Variants in RAP1GDS1 observed in about 807,000 individuals in gnomAD.
RAP1GDS1 encodes the protein Rap1 GTPase-GDP dissociation stimulator 1.
In RAP1GDS1, 35 loss-of-function variants were observed where a neutral mutation model predicts 71.1. The observed-to-expected ratio is 0.49, with a 90% CI of 0.38 to 0.65. The LOEUF is 0.65. Ranked by LOEUF, RAP1GDS1 falls within the 30% of genes least tolerant of loss-of-function variation. RAP1GDS1 has a pLI of 0.00. For synonymous variants in RAP1GDS1, 229 were observed against 243.1 expected (o/e 0.94, Z 0.54); for missense variants, 663 against 706.1 (o/e 0.94, Z 0.69).
intron 12 of RAP1GDS1, among the ~76,000 whole-genome samples, chr4:98,431,418 G>A (rs1750391925): frequency 6.6e-6 from 1 of 152,090 alleles, no homozygotes; most frequent in Admixed American, 6.5e-5. Context: ...CTAATCAAGG[G>A]CAAATTGACT....
intron 2 of RAP1GDS1, among the ~76,000 whole-genome samples, chr4:98,333,518 T>G (rs1051074357): frequency 6.6e-6 from 1 of 152,074 alleles, no homozygotes; most frequent in African/African-American, 2.4e-5. Context: ...TACAATTATG[T>G]TCAGCAATTT....
At position 98,426,960 on chromosome 4, in the gene RAP1GDS1, A is replaced by G. The variant is rs1052838227; in HGVS notation, c.1440+5566A>G. Among the ~76,000 whole-genome samples, 11 of 152,334 alleles carry G rather than the reference A, an allele frequency of 7.2e-5. No individual in the cohort carries two copies. The East Asian group carries it at 2.1e-3, about 29-fold the overall frequency. ...AAAATCCCTGATGAACATAGATACAAAAATCCTTAACAAAATACTAGCTAA... is the reference window on the plus strand; with the variant it reads ...AAAATCCCTGATGAACATAGATACAGAAATCCTTAACAAAATACTAGCTAA... On this transcript the variant is annotated intron_variant, in intron 12 of 14. Transcript: ENST00000408927.
intron 6 of RAP1GDS1, among the ~76,000 whole-genome samples, chr4:98,394,179 G>A (rs1744169332): frequency 6.6e-6 from 1 of 152,146 alleles, no homozygotes; most frequent in Non-Finnish European, 1.5e-5. Flanking sequence ...GTTGTTTGCT[G>A]AGGAGTATTT....
chr4:98,437,729 G>T (rs1475480291), intron 14 of RAP1GDS1, among the ~76,000 whole-genome samples: 1 of 151,196 alleles, frequency 6.6e-6, no homozygotes, highest in Non-Finnish European at 1.5e-5. Flanking sequence ...GAAGGCAGAG[G>T]TTGTAGCTGA....
intron 6 of RAP1GDS1, among the ~76,000 whole-genome samples, chr4:98,395,002 C>T (rs558107691): frequency 9.2e-5 from 14 of 152,234 alleles, no homozygotes; most frequent in South Asian, 4.1e-4. Flanking sequence ...GTACTCTGAT[C>T]CTAAACTGAT....
At position 98,317,630 on chromosome 4, in the gene RAP1GDS1, T is replaced by C. The variant is rs537291498; in HGVS notation, c.112+24115T>C. Among the ~76,000 whole-genome samples the C allele has an allele frequency of 4.6e-5, 7 of 152,174 alleles. No homozygotes were observed. In the South Asian group the frequency reaches 1.5e-3, roughly 32 times the overall value. Reference sequence around the variant, plus strand: ...TTGCATGTGGGAAGAGTTTTTGACATCTGAAAGATTCTGCAAGCCACACTA... The same window carrying C: ...TTGCATGTGGGAAGAGTTTTTGACACCTGAAAGATTCTGCAAGCCACACTA... On this transcript the variant is annotated intron_variant, in intron 2 of 14. Coordinates refer to ENST00000408927, the MANE Select transcript of RAP1GDS1 (RefSeq NM_001100427.2).
intron 11 of RAP1GDS1, among the ~76,000 whole-genome samples, chr4:98,420,770 G>T (rs1748736759): frequency 1.3e-5 from 2 of 152,006 alleles, no homozygotes; most frequent in African/African-American, 4.8e-5. Flanking sequence ...GTTGTGTTTT[G>T]GCATTCTATA....
Position 98,416,882 on chromosome 4 carries a change from C to T in RAP1GDS1, c.901C>T (p.Leu301Phe). 6.2e-7 allele frequency: 1 copy of T among 1,610,984 alleles called. No individual in the cohort carries two copies. The highest frequency in any genetic ancestry group is 8.5e-7 in the Non-Finnish European group (1 of 1,179,116). The change falls in exon 8 of 15, where the codon CTT (leucine) becomes TTT (phenylalanine). Residue 301 changes from leucine to phenylalanine, a missense_variant. By Grantham distance (22) the Leu-to-Phe change is conservative. Transcript: ENST00000408927. The stretch of plus-strand genomic sequence containing the variant: ...TTCAGATCTCATGGTTTTATTACTT[C>T]TTGGAGGTGAGTTGTAATTTATGCC... ...TGSDLMVLLL[L>F]GDESMQKLFE...
intron 1 of RAP1GDS1, among the ~76,000 whole-genome samples, chr4:98,280,561 C>T (rs1442673510): frequency 1.3e-5 from 2 of 152,084 alleles, no homozygotes; most frequent in African/African-American, 4.8e-5. Flanking sequence ...CTGTAGGTTG[C>T]CTGTTCACTC....
At chr4:98,265,414 CGTT>C (rs1214893458) in intron 1 of RAP1GDS1, among the ~76,000 whole-genome samples, 1 of 152,086 alleles carries the variant, frequency 6.6e-6, no homozygotes, top group East Asian at 1.9e-4. Flanking sequence ...ATAACAAGGA[CGTT>C]GTCATATTAG....
At chr4:98,353,309 T>A (rs1486511202) in intron 4 of RAP1GDS1, among the ~76,000 whole-genome samples, 1 of 152,236 alleles carries the variant, frequency 6.6e-6, no homozygotes, top group Admixed American at 6.5e-5. Flanking sequence ...AAAACACGTA[T>A]TTTATCATTC....
chr4:98,437,200 C>G lies in RAP1GDS1; in HGVS notation c.1696+132C>G, dbSNP rs73834491. On this transcript the variant is annotated intron_variant, in intron 14 of 14. Coordinates refer to ENST00000408927, the MANE Select transcript of RAP1GDS1 (RefSeq NM_001100427.2). ...TTAGTTTATGGAGGTTATAAGATAA[C>G]TTTTTTCCCCTATTACTGTAAACAC... The G allele has an allele frequency of 9.8e-4, 871 of 889,252 alleles. 13 individuals carry two copies. The African/African-American group carries it at 0.014, about 14-fold the overall frequency. The allele number at this position is 889,252 out of a possible 1,614,324, so 55.1% of individuals were successfully genotyped here. A position where few individuals can be genotyped will look rare whatever the true frequency, so the allele number is the denominator to read the frequency against.
chr4:98,367,086 C>T (rs116592671), intron 4 of RAP1GDS1, among the ~76,000 whole-genome samples: 6,306 of 152,144 alleles, frequency 0.041, 305 homozygotes, highest in African/African-American at 0.12. Flanking sequence ...GCCTGGAGGC[C>T]TAGGAAGAAA....
intron 5 of RAP1GDS1, among the ~76,000 whole-genome samples, chr4:98,388,581 C>G (rs980858164): frequency 1.3e-5 from 2 of 152,086 alleles, no homozygotes; most frequent in Non-Finnish European, 2.9e-5. Context: ...CAAAAATTAG[C>G]TAGGTGTGGT....
intron 7 of RAP1GDS1, among the ~76,000 whole-genome samples, chr4:98,408,983 A>G (rs748728500): frequency 2.0e-5 from 3 of 152,194 alleles, no homozygotes; most frequent in Non-Finnish European, 4.4e-5. Flanking sequence ...AAGAAGGATC[A>G]TCCCCGCTTC....
At chr4:98,312,343 A>G (rs1224902596) in intron 2 of RAP1GDS1, among the ~76,000 whole-genome samples, 2 of 152,150 alleles carry the variant, frequency 1.3e-5, no homozygotes, top group East Asian at 3.9e-4. Flanking sequence ...AGACTGGAAG[A>G]CACTTTTTAA....
Position 98,441,999 on chromosome 4 carries a change from A to T in RAP1GDS1, c.1706A>T (p.His569Leu). 6.2e-7 allele frequency: 1 copy of T among 1,613,936 alleles called. No homozygotes were observed. Among genetic ancestry groups the T allele is most frequent in the East Asian group, 2.2e-5 (1 of 44,868 alleles). Reference protein sequence around the residue: ...ICALMGSECLHKEVQDLAFLD... With the variant: ...ICALMGSECLLKEVQDLAFLD... Reference sequence around the variant, plus strand: ...TTTTTTTGTCTTCCAGAATGTCTACACAAGGAAGTACAGGATTTGGCTTTT... The same window carrying T: ...TTTTTTTGTCTTCCAGAATGTCTACTCAAGGAAGTACAGGATTTGGCTTTT... The change falls in exon 15 of 15, where the codon CAC becomes CTC. Residue 569 changes from histidine to leucine, a missense_variant. By Grantham distance (99) the His-to-Leu change is moderately conservative. Transcript: ENST00000408927.
At position 98,408,164 on chromosome 4, in the gene RAP1GDS1, A is replaced by AG. The variant is rs1472689442; in HGVS notation, c.763+3563dup. ...CACTCTGTCACCCAGGCTGGAGTGC[A>AG]GTGGCACCATCTCGGCTCACTGCAG... On this transcript the variant is annotated intron_variant, in intron 7 of 14. Transcript: ENST00000408927. Among the ~76,000 whole-genome samples the AG allele has an allele frequency of 2.0e-5, 3 of 151,518 alleles. No individual in the cohort carries two copies. The East Asian group carries it at 5.8e-4, about 29-fold the overall frequency.
chr4:98,434,808 A>T (rs1750927703), intron 13 of RAP1GDS1, among the ~76,000 whole-genome samples: 1 of 151,918 alleles, frequency 6.6e-6, no homozygotes, highest in Non-Finnish European at 1.5e-5. Context: ...TTTTGTAGAG[A>T]CAGGGTTTCA....
Sources: gnomAD v4.1 joint callset for allele counts (sites outside exome capture counted in the v4.1 genomes callset) on GRCh38, gnomAD v4.1.1 for gene constraint, MANE v1.5 for transcripts, NCBI Gene and HGNC (gene_info 2026-07-23, HGNC 2026-07-21) for gene names.